Variants in PDE4D observed in about 807,000 individuals in gnomAD.
PDE4D encodes 3',5'-cyclic-AMP phosphodiesterase 4D.
In PDE4D, 24 loss-of-function variants were observed where a neutral mutation model predicts 87.4. The ratio of observed to expected loss-of-function variants is 0.27; its 90% CI spans 0.20 to 0.39. The LOEUF (loss-of-function observed/expected upper bound fraction) is 0.39, where lower values mean the gene tolerates loss of function less well. PDE4D is among the 10% of genes least tolerant of loss of function. The pLI is 1.00. For missense variants in PDE4D, 714 were observed against 1,041.0 expected (o/e 0.69, Z 4.32); for synonymous variants, 384 against 383.2 (o/e 1.00, Z -0.02).
intron 1 of PDE4D, among the ~76,000 whole-genome samples, chr5:59,480,268 TACATTAGAATAAATGTA>T (rs1023292353): frequency 2.0e-5 from 3 of 152,134 alleles, no homozygotes; most frequent in Admixed American, 6.6e-5. Context: ...TAGAATAGTT[TACATTAGAATAAATGTA>T]ACATTAGAAT....
At chr5:60,263,049 T>G (rs746615112) in intron 1 of PDE4D, among the ~76,000 whole-genome samples, 1 of 152,190 alleles carries the variant, frequency 6.6e-6, no homozygotes, top group Non-Finnish European at 1.5e-5. Context: ...TCATGGGACT[T>G]CCCTGGGGAG....
intron 1 of PDE4D, among the ~76,000 whole-genome samples, chr5:59,340,557 A>T (rs954785744): frequency 6.6e-5 from 10 of 152,176 alleles, no homozygotes; most frequent in African/African-American, 1.2e-4. Flanking sequence ...CTCTTTAATT[A>T]AAAAATGTAC....
rs1865962 is a variant in PDE4D, at chr5:59,652,062, G to T, written c.455+241106C>A. On this transcript the variant is annotated intron_variant, in intron 1 of 14. Coordinates refer to ENST00000340635, the MANE Select transcript of PDE4D (RefSeq NM_001104631.2). ...AGCTTCGGAACTGTCTATTGGCTCT[G>T]CTGAGGCCTTCCTCAAGACTGCATT... Among the ~76,000 whole-genome samples, 538 of 152,336 alleles carry T rather than the reference G, an allele frequency of 3.5e-3. 4 individuals carry two copies. The highest frequency in any genetic ancestry group is 6.2e-3 in the Non-Finnish European group (425 of 68,036).
intron 1 of PDE4D, among the ~76,000 whole-genome samples, chr5:60,372,993 G>A (rs1349096522): frequency 6.6e-6 from 1 of 152,136 alleles, no homozygotes; most frequent in Non-Finnish European, 1.5e-5. Flanking sequence ...GAAACCTTAT[G>A]TTTACCATTG....
At chr5:59,781,513 C>T (rs548708908) in intron 1 of PDE4D, among the ~76,000 whole-genome samples, 7 of 151,998 alleles carry the variant, frequency 4.6e-5, no homozygotes, top group Non-Finnish European at 8.8e-5. Flanking sequence ...CTGGGCCGAG[C>T]GCAGTGGCTC....
chr5:59,523,383 G>A (rs1812562997), intron 1 of PDE4D, among the ~76,000 whole-genome samples: 1 of 152,174 alleles, frequency 6.6e-6, no homozygotes, highest in Non-Finnish European at 1.5e-5. Flanking sequence ...ACTCTAAATT[G>A]AGTTTTCTAT....
At chr5:60,312,948 T>C (rs930335067) in intron 1 of PDE4D, among the ~76,000 whole-genome samples, 2 of 152,196 alleles carry the variant, frequency 1.3e-5, no homozygotes, top group African/African-American at 2.4e-5. Flanking sequence ...GGAAAGTTTA[T>C]AGTGCTAAAT....
chr5:60,109,819 C>A (rs113914356), intron 2 of PDE4D, among the ~76,000 whole-genome samples: 1 of 150,012 alleles, frequency 6.7e-6, no homozygotes, highest in Non-Finnish European at 1.5e-5. Flanking sequence ...AATGAGAACA[C>A]ATGGACACAG....
Position 60,274,507 on chromosome 5 carries a change from T to C in PDE4D, c.-89-88820A>G, listed in dbSNP as rs530306097. Among the ~76,000 whole-genome samples, 417 of 152,242 alleles carry C rather than the reference T, an allele frequency of 2.7e-3. 1 individual carries two copies. The highest frequency in any genetic ancestry group is 4.6e-3 in the Non-Finnish European group (313 of 68,008). On this transcript the variant is annotated intron_variant, in intron 1 of 16. Coordinates refer to the PDE4D transcript ENST00000502484. ...TCCCAAGTAGCTGAGATTACCGGCA[T>C]GTGCCACCACGCCCAGCTAATTTTT...
chr5:59,403,993 AT>A (rs1156846308), intron 1 of PDE4D, among the ~76,000 whole-genome samples: 1 of 152,188 alleles, frequency 6.6e-6, no homozygotes, highest in African/African-American at 2.4e-5. Context: ...GATAAAAGCC[AT>A]TTTAACTGGG....
intron 2 of PDE4D, among the ~76,000 whole-genome samples, chr5:60,149,382 CATG>C (rs1412766411): frequency 1.3e-5 from 2 of 152,152 alleles, no homozygotes; most frequent in Non-Finnish European, 2.9e-5. Flanking sequence ...AACCCACTCT[CATG>C]ATAACAGCAT....
intron 2 of PDE4D, among the ~76,000 whole-genome samples, chr5:60,083,861 G>A (rs1774246163): frequency 6.6e-6 from 1 of 152,126 alleles, no homozygotes; most frequent in Non-Finnish European, 1.5e-5. Context: ...CTACGGTTAT[G>A]GTCTGGCCTG....
At chr5:60,235,535 C>T (rs924618203) in intron 1 of PDE4D, among the ~76,000 whole-genome samples, 8 of 151,700 alleles carry the variant, frequency 5.3e-5, no homozygotes, top group Non-Finnish European at 4.4e-5. Context: ...GCCTAGATCC[C>T]GCTCCACATC....
At chr5:59,669,556 A>G (rs1746835924) in intron 1 of PDE4D, among the ~76,000 whole-genome samples, 1 of 152,194 alleles carries the variant, frequency 6.6e-6, no homozygotes, top group East Asian at 1.9e-4. Flanking sequence ...AGTTTTCTCC[A>G]TTAAATTATT....
chr5:60,503,121 A>C (rs1750169489), intron 1 of PDE4D, among the ~76,000 whole-genome samples: 1 of 152,156 alleles, frequency 6.6e-6, no homozygotes, highest in South Asian at 2.1e-4. Flanking sequence ...GACTATCTGG[A>C]GTAAAGATAG....
chr5:59,759,720 G>C (rs532457696), intron 1 of PDE4D, among the ~76,000 whole-genome samples: 1 of 152,222 alleles, frequency 6.6e-6, no homozygotes, highest in South Asian at 2.1e-4. Context: ...CTGAAGGTTA[G>C]GGCTGACTGG....
intron 1 of PDE4D, among the ~76,000 whole-genome samples, chr5:59,353,103 A>G (rs144420721): frequency 6.6e-6 from 1 of 152,170 alleles, no homozygotes; most frequent in African/African-American, 2.4e-5. Flanking sequence ...TTCTATTTAC[A>G]TAGTACCTAC....
intron 1 of PDE4D, chr5:60,460,619 G>C: frequency 8.0e-7 from 1 of 1,244,322 alleles, no homozygotes; most frequent in South Asian, 1.2e-5. Flanking sequence ...GCTTCTTGCT[G>C]TTCTTTTTCT....
At chr5:59,806,489 A>G (rs570087280) in intron 1 of PDE4D, among the ~76,000 whole-genome samples, 1 of 152,360 alleles carries the variant, frequency 6.6e-6, no homozygotes, top group South Asian at 2.1e-4. Flanking sequence ...TGAAGGGCTA[A>G]TGGAACAGCC....
Sources: allele counts gnomAD v4.1 joint callset (sites outside exome capture counted in the v4.1 genomes callset), GRCh38; gene constraint gnomAD v4.1.1; transcripts MANE v1.5; gene names NCBI Gene and HGNC (gene_info 2026-07-23, HGNC 2026-07-21).